The following CLEC16A variants were observed in gnomAD, a reference collection of about 807,000 sequenced individuals.
CLEC16A encodes the protein C-type lectin domain containing 16A, also known as protein CLEC16A.
A neutral mutation model predicts 109.5 loss-of-function variants in CLEC16A; 51 were observed. The observed-to-expected ratio is 0.47, with a 90% CI of 0.37 to 0.59. CLEC16A has a LOEUF of 0.59. Ranked by LOEUF, CLEC16A falls within the 20% of genes least tolerant of loss-of-function variation. The pLI is 0.00. For missense variants in CLEC16A, 1,339 were observed against 1,394.0 expected (o/e 0.96, Z 0.63); for synonymous variants, 673 against 564.2 (o/e 1.19, Z -2.73).
At position 11,064,784 on chromosome 16, in the gene CLEC16A, TAAAAAC is replaced by T. The variant is rs550207728; in HGVS notation, c.2116+3767_2116+3772del. On this transcript the variant is annotated intron_variant, in intron 19 of 23. Coordinates refer to ENST00000409790, the MANE Select transcript of CLEC16A (RefSeq NM_015226.3). ...AGAGTGAGACCCTCTTTCAAAAAAA[TAAAAAC>T]AAAACCAAAACAGGGTTCTAAAAGA... 3.9e-5 allele frequency among the ~76,000 whole-genome samples: 6 copies of T among 151,982 alleles called. No homozygotes were observed. The South Asian group carries it at 1.2e-3, about 32-fold the overall frequency.
intron 10 of CLEC16A, among the ~76,000 whole-genome samples, chr16:10,993,830 A>C (rs916232867): frequency 6.6e-6 from 1 of 152,234 alleles, no homozygotes; most frequent in South Asian, 2.1e-4. Context: ...TCATCCCACA[A>C]GCATTCCCTC....
intron 17 of CLEC16A, 26 bp downstream of exon 17, chr16:11,047,368 G>T: frequency 6.3e-7 from 1 of 1,584,006 alleles, no homozygotes; most frequent in Non-Finnish European, 8.6e-7. Flanking sequence ...GGACACACTT[G>T]GGCTGGTGTG....
At chr16:11,007,053 T>G (rs889171355) in intron 11 of CLEC16A, among the ~76,000 whole-genome samples, 2 of 152,188 alleles carry the variant, frequency 1.3e-5, no homozygotes, top group African/African-American at 4.8e-5. Context: ...GAAAGGACAG[T>G]TATCTCTTTT....
At chr16:11,010,923 G>A (rs1471127351) in intron 11 of CLEC16A, among the ~76,000 whole-genome samples, 3 of 152,172 alleles carry the variant, frequency 2.0e-5, no homozygotes, top group Non-Finnish European at 2.9e-5. Flanking sequence ...TGTGTGATGT[G>A]TCCTTGTGAT....
intron 13 of CLEC16A, chr16:11,027,074 G>A: frequency 6.5e-7 from 1 of 1,550,146 alleles, no homozygotes; most frequent in Non-Finnish European, 8.8e-7. Context: ...AAAATCTCCT[G>A]AAAAAGAGGA....
At chr16:10,982,792 C>A in intron 9 of CLEC16A, 86 bp from the exon 10 acceptor site, 1 of 749,892 alleles carries the variant, frequency 1.3e-6, no homozygotes, top group Non-Finnish European at 2.3e-6. Context: ...TTAGGTAGCC[C>A]AGCCTGGTCG....
intron 19 of CLEC16A, among the ~76,000 whole-genome samples, chr16:11,073,597 T>C (rs1421776835): frequency 6.6e-6 from 1 of 152,218 alleles, no homozygotes; most frequent in Non-Finnish European, 1.5e-5. Context: ...GACACTCCTC[T>C]TCTCCCATAT....
chr16:10,948,107 A>T (rs958018639), intron 1 of CLEC16A, among the ~76,000 whole-genome samples: 7 of 152,052 alleles, frequency 4.6e-5, no homozygotes, highest in Non-Finnish European at 4.4e-5. Context: ...GTTAGCCAGG[A>T]TGGTCTCGAT....
chr16:10,956,583 T>A (rs886094295), intron 1 of CLEC16A, among the ~76,000 whole-genome samples: 16 of 152,152 alleles, frequency 1.1e-4, no homozygotes, highest in African/African-American at 3.4e-4. Context: ...GGAGAAGCCA[T>A]CTTAAAAGCC....
rs1490617897 is a variant in CLEC16A at position 11,178,574 on chromosome 16, C to T, written c.3046C>T (p.His1016Tyr). The T allele has an allele frequency of 4.3e-6, 7 of 1,611,416 alleles. No homozygotes were observed. The highest frequency in any genetic ancestry group is 5.9e-6 in the Non-Finnish European group (7 of 1,179,760). ...GACCCTTGTCCCCCCAGTTGACCCC[C>T]ACAGCCTCCGCAGCCTCACCGGCAT... ...SLTLVPPVDP[H>Y]SLRSLTGMPP... The change falls in exon 24 of 24, where the codon CAC (histidine) becomes TAC (tyrosine). Residue 1016 changes from histidine (H) to tyrosine (Y), a missense_variant. Around this residue, in one of 3 missense-constraint regions of CLEC16A, gnomAD observed 1,061 missense variants for 1,006.8 expected, o/e 1.05. Coordinates refer to ENST00000409790, the MANE Select transcript of CLEC16A (RefSeq NM_015226.3). The surrounding 1 kb of genome is among the most constrained non-coding windows in gnomAD (Gnocchi z 6.5).
intron 19 of CLEC16A, among the ~76,000 whole-genome samples, chr16:11,096,905 A>C (rs1172259413): frequency 6.6e-6 from 1 of 152,264 alleles, no homozygotes; most frequent in African/African-American, 2.4e-5. Context: ...AAAACATCAC[A>C]TAAACGGTAC....
At position 11,145,847 on chromosome 16, in the gene CLEC16A, C is replaced by T. The variant is rs561480526; in HGVS notation, c.2641+19701C>T. Among the ~76,000 whole-genome samples the T allele has an allele frequency of 6.6e-5, 10 of 152,366 alleles. No individual in the cohort carries two copies. The South Asian group carries it at 1.9e-3, about 28-fold the overall frequency. On this transcript the variant is annotated intron_variant, in intron 22 of 23. Transcript: ENST00000409790. Reference sequence around the variant, plus strand: ...TGAGTCGGGTCAAGTGTCTCCTCTACTTAGATTCTTCGCTGGCTCCCATCA... The same window carrying T: ...TGAGTCGGGTCAAGTGTCTCCTCTATTTAGATTCTTCGCTGGCTCCCATCA...
chr16:11,157,418 C>T (rs149279531), intron 22 of CLEC16A, among the ~76,000 whole-genome samples: 6 of 152,320 alleles, frequency 3.9e-5, no homozygotes, highest in Middle Eastern at 3.4e-3. Flanking sequence ...CATTTGGGGG[C>T]AAGTCCTTCA....
chr16:11,053,077 G>C, intron 18 of CLEC16A, among the ~76,000 whole-genome samples: 1 of 152,034 alleles, frequency 6.6e-6, no homozygotes, highest in Non-Finnish European at 1.5e-5. Flanking sequence ...GTTTTATAGA[G>C]ATGAAGTCTT....
At chr16:10,971,356 C>T (rs2042778265) in intron 5 of CLEC16A, 126 bp downstream of exon 5, 1 of 817,658 alleles carries the variant, frequency 1.2e-6, no homozygotes, top group Non-Finnish European at 1.9e-6. Flanking sequence ...GCCGTGGCAG[C>T]TTCTCTCATG....
Position 11,174,067 on chromosome 16 carries a change from C to T in CLEC16A, c.2807-4268C>T, listed in dbSNP as rs921715691. The T allele has an allele frequency of 1.7e-5, 7 of 413,868 alleles. No individual in the cohort carries two copies. The highest frequency in any genetic ancestry group is 2.5e-5 in the Non-Finnish European group (5 of 196,772). The allele number at this position is 413,868 out of a possible 1,614,324, so 25.6% of individuals were successfully genotyped here. ...TCGCCCCTCGTCAGTGCTCAGCGTC[C>T]GCTGCTGCTCAGTGTCCCCTCCATG... On this transcript the variant is annotated intron_variant, in intron 23 of 23. Transcript: ENST00000409790. The surrounding 1 kb of genome is among the most constrained non-coding windows in gnomAD (Gnocchi z 4.7).
intron 3 of CLEC16A, among the ~76,000 whole-genome samples, chr16:10,967,073 T>G (rs1266039842): frequency 6.6e-6 from 1 of 152,202 alleles, no homozygotes; most frequent in Non-Finnish European, 1.5e-5. Flanking sequence ...CAGGCGATTT[T>G]GAAAACTGCT....
intron 13 of CLEC16A, chr16:11,027,492 C>T (rs1414287538): frequency 6.3e-7 from 1 of 1,584,962 alleles, no homozygotes; most frequent in African/African-American, 1.3e-5. Flanking sequence ...GAAACGTGGA[C>T]AAGCCAAGGT....
At chr16:11,004,116 C>G (rs2044843632) in intron 11 of CLEC16A, among the ~76,000 whole-genome samples, 1 of 152,080 alleles carries the variant, frequency 6.6e-6, no homozygotes, top group Non-Finnish European at 1.5e-5. Flanking sequence ...GCTCTGTAAG[C>G]AAAATCATTC....
Sources: allele counts gnomAD v4.1 joint callset (sites outside exome capture counted in the v4.1 genomes callset), GRCh38; gene constraint gnomAD v4.1.1; regional missense constraint gnomAD v4.1.1; non-coding constraint Gnocchi (gnomAD v3.1); transcripts MANE v1.5; gene names NCBI Gene and HGNC (gene_info 2026-07-23, HGNC 2026-07-21).